The following TMA7B variants were observed in gnomAD, a reference collection of about 807,000 sequenced individuals.
The protein encoded by TMA7B is translation machinery-associated protein 7B.
the TMA7B span, among the ~76,000 whole-genome samples, chr22:39,962,407 A>G: frequency 6.6e-6 from 1 of 152,190 alleles, no homozygotes; most frequent in East Asian, 1.9e-4. Flanking sequence ...CCTGGGTGAC[A>G]GAGCAAGACC....
the TMA7B span, chr22:39,964,738 T>G: frequency 2.2e-6 from 1 of 446,792 alleles, no homozygotes; most frequent in Admixed American, 4.1e-5. Flanking sequence ...AAAAAAATCT[T>G]CCAGTGGCTC....
the TMA7B span, chr22:39,964,486 A>G: frequency 9.7e-7 from 1 of 1,028,826 alleles, no homozygotes; most frequent in Non-Finnish European, 1.5e-6. Context: ...AGAGGAGCAG[A>G]AGAAACTCGA....
the TMA7B span, chr22:39,961,010 A>G: frequency 1.3e-5 from 2 of 150,696 alleles, no homozygotes; most frequent in African/African-American, 4.9e-5. Context: ...CAGTGACGCA[A>G]TCATTGCTCA....
At chr22:39,962,590 G>T in the TMA7B span, among the ~76,000 whole-genome samples, 1 of 152,024 alleles carries the variant, frequency 6.6e-6, no homozygotes, top group Non-Finnish European at 1.5e-5. Flanking sequence ...AGACTGAGGG[G>T]TATCTCTTGG....
the TMA7B span, chr22:39,964,521 GA>G: frequency 1.1e-6 from 1 of 927,680 alleles, no homozygotes; most frequent in Admixed American, 1.8e-5. Flanking sequence ...AGGTCGTGGG[GA>G]AGGGGCCTCT....
chr22:39,964,677 C>A, the TMA7B span: 2 of 489,654 alleles, frequency 4.1e-6, no homozygotes, highest in South Asian at 5.6e-5. Context: ...AATTAAGTGT[C>A]GTCTTGGAGC....
the TMA7B span, among the ~76,000 whole-genome samples, chr22:39,962,743 C>T: frequency 1.3e-5 from 2 of 152,130 alleles, no homozygotes; most frequent in African/African-American, 2.4e-5. Context: ...CTGCAACCTC[C>T]GCCTCCCAGG....
chr22:39,960,966 T>TG, the TMA7B span: 1 of 151,042 alleles, frequency 6.6e-6, no homozygotes, highest in African/African-American at 2.4e-5. Context: ...TTTTTTTTTT[T>TG]TTTTTGGAGA....
At chr22:39,961,270 C>T in the TMA7B span, among the ~76,000 whole-genome samples, 1 of 152,126 alleles carries the variant, frequency 6.6e-6, no homozygotes, top group Non-Finnish European at 1.5e-5. Flanking sequence ...ATTCTAATTT[C>T]TATGACTCAC....
the TMA7B span, chr22:39,964,100 A>G: frequency 4.5e-5 from 16 of 358,090 alleles, no homozygotes; most frequent in Non-Finnish European, 5.0e-6. Flanking sequence ...ACATCAGGCA[A>G]TTGGCATCAC....
chr22:39,962,474 A>G, the TMA7B span, among the ~76,000 whole-genome samples: 1 of 152,068 alleles, frequency 6.6e-6, no homozygotes, highest in Admixed American at 6.5e-5. Context: ...TATTAGAAAA[A>G]ACAATTATAC....
At chr22:39,963,392 A>G in the TMA7B span, among the ~76,000 whole-genome samples, 2 of 152,212 alleles carry the variant, frequency 1.3e-5, no homozygotes, top group Non-Finnish European at 2.9e-5. Flanking sequence ...AAAAGGGTCA[A>G]TGTTTCACAC....
chr22:39,964,868 A>G, the TMA7B span: 2 of 273,922 alleles, frequency 7.3e-6, no homozygotes, highest in East Asian at 7.0e-5. Flanking sequence ...TAAACTTTGT[A>G]TCACCTGAAA....
the TMA7B span, chr22:39,964,417 C>T: frequency 6.0e-6 from 5 of 835,090 alleles, no homozygotes; most frequent in Non-Finnish European, 1.0e-5. Flanking sequence ...ACTGAAACAG[C>T]CCAAGAAGCA....
chr22:39,964,696 A>C, the TMA7B span: 2 of 461,460 alleles, frequency 4.3e-6, no homozygotes, highest in South Asian at 4.5e-5. Flanking sequence ...GCTGTTGTAC[A>C]TTTAAGAATA....
the TMA7B span, among the ~76,000 whole-genome samples, chr22:39,962,272 A>G: frequency 6.6e-6 from 1 of 152,134 alleles, no homozygotes; most frequent in Non-Finnish European, 1.5e-5. Context: ...AAAATAAAAA[A>G]TTAACCCAGT....
the TMA7B span, chr22:39,964,207 C>T: frequency 1.8e-6 from 1 of 543,196 alleles, no homozygotes; most frequent in Non-Finnish European, 3.2e-6. Flanking sequence ...AAAACTGGAT[C>T]TAATGGTAAA....
At chr22:39,961,723 A>T in the TMA7B span, among the ~76,000 whole-genome samples, 1 of 152,254 alleles carries the variant, frequency 6.6e-6, no homozygotes, top group Admixed American at 6.5e-5. Flanking sequence ...TAATGCTGTT[A>T]GCAGATCAGG....
chr22:39,960,408 C>T, the TMA7B span: 4 of 475,156 alleles, frequency 8.4e-6, no homozygotes, highest in African/African-American at 1.9e-5. Context: ...GCCCATCTGC[C>T]TCCCCTTCTA....
Sources: allele counts gnomAD v4.1 joint callset (sites outside exome capture counted in the v4.1 genomes callset), GRCh38; gene constraint gnomAD v4.1.1; transcripts MANE v1.5; gene names NCBI Gene and HGNC (gene_info 2026-07-23, HGNC 2026-07-21).